Variants in TBC1D32 observed in about 807,000 individuals in gnomAD.
The protein encoded by TBC1D32 is TBC1 domain family member 32.
TBC1D32 carries 151 observed loss-of-function variants against 170.3 expected under a neutral mutation model. The observed-to-expected ratio is 0.89, with a 90% CI of 0.78 to 1.01. TBC1D32 has a LOEUF of 1.01. Among genes scored for constraint, TBC1D32 ranks in the 50% least tolerant of loss-of-function variants. The pLI is 0.00. For missense variants in TBC1D32, 1,464 were observed against 1,457.1 expected (o/e 1.00, Z -0.08); for synonymous variants, 498 against 488.0 (o/e 1.02, Z -0.27).
chr6:121,268,419 G>C (rs886229762), intron 15 of TBC1D32, among the ~76,000 whole-genome samples: 1 of 152,156 alleles, frequency 6.6e-6, no homozygotes, highest in Non-Finnish European at 1.5e-5. Context: ...GATCTTAAAT[G>C]ACCTGATGGA....
chr6:121,115,278 A>T lies in TBC1D32; in HGVS notation c.2984-37T>A, dbSNP rs573436181. The stretch of plus-strand genomic sequence containing the variant: ...AGAAAACTGAGTTATAAAGTGCAGA[A>T]AAGTTTGCATAATAATCACATTTTA... On this transcript the variant is annotated intron_variant, in intron 26 of 31. Transcript: ENST00000398212. 3.5e-5 allele frequency: 49 copies of T among 1,417,812 alleles called. No individual in the cohort carries two copies. In the East Asian group the frequency reaches 1.1e-3, roughly 31 times the overall value. The allele number at this position is 1,417,812 out of a possible 1,614,324, so 87.8% of individuals were successfully genotyped here.
chr6:121,231,375 T>C (rs1315019232), intron 20 of TBC1D32, among the ~76,000 whole-genome samples: 2 of 152,240 alleles, frequency 1.3e-5, no homozygotes, highest in African/African-American at 2.4e-5. Context: ...TGTGCTGCTA[T>C]GAACATGCAT....
chr6:121,112,811 T>C, intron 28 of TBC1D32, 152 bp from the exon 29 acceptor site: 1 of 758,886 alleles, frequency 1.3e-6, no homozygotes, highest in Non-Finnish European at 1.9e-6. Flanking sequence ...TAGACATGTC[T>C]GAAAATACAT....
Position 121,162,945 on chromosome 6 carries a change from T to G in TBC1D32, c.2571-1889A>C, listed in dbSNP as rs1472295936. ...GGGGTCAGGGAGTTCCCTTTCCGAG[T>G]CAAAGAAAGGGGTGACGGACGCACC... On this transcript the variant is annotated intron_variant, in intron 22 of 31. Coordinates refer to ENST00000398212, the MANE Select transcript of TBC1D32 (RefSeq NM_152730.6). 3 of 108,496 alleles carry G rather than the reference T, an allele frequency of 2.8e-5. No homozygotes were observed. In the Admixed American group the frequency reaches 3.1e-4, roughly 11 times the overall value. 6.7% of individuals were successfully genotyped at this position (108,496 alleles called of 1,614,324 possible).
chr6:121,292,236 T>A (rs536477881), intron 11 of TBC1D32, 43 bp from the exon 12 acceptor site: 1 of 1,533,128 alleles, frequency 6.5e-7, no homozygotes, highest in South Asian at 1.2e-5. Context: ...AGTATCATTA[T>A]ATTTTACAGT....
chr6:121,239,277 G>A, intron 19 of TBC1D32, 89 bp from the exon 20 acceptor site: 2 of 696,558 alleles, frequency 2.9e-6, no homozygotes, highest in Non-Finnish European at 4.9e-6. Context: ...TGATGAATCT[G>A]GTCTACTCTG....
chr6:121,304,331 G>C, intron 8 of TBC1D32, 34 bp downstream of exon 8: 2 of 1,606,190 alleles, frequency 1.2e-6, no homozygotes, highest in Non-Finnish European at 1.7e-6. Context: ...ACACCGCTAG[G>C]TTTTATGCTG....
chr6:121,246,444 A>G (rs1797614651), intron 17 of TBC1D32, among the ~76,000 whole-genome samples: 1 of 152,086 alleles, frequency 6.6e-6, no homozygotes, highest in Non-Finnish European at 1.5e-5. Flanking sequence ...ACCCAAATGA[A>G]AAAAGTAATT....
At position 121,092,293 on chromosome 6, in the gene TBC1D32, G is replaced by GTTTTTTTTTTT. The variant is rs1160372863; in HGVS notation, c.3466-1263_3466-1253dup. On this transcript the variant is annotated intron_variant, in intron 30 of 31. Transcript: ENST00000398212. ...AATATCTCTTCTCCTTCAGTTTTATGTTTTTTTTTTTTTTTTTTTTTTTTT... is the reference window on the plus strand; with the variant it reads ...AATATCTCTTCTCCTTCAGTTTTATGTTTTTTTTTTTTTTTTTTTTTTTTTTTTTTTTTTTT... Among the ~76,000 whole-genome samples the GTTTTTTTTTTT allele has an allele frequency of 5.0e-4, 25 of 50,404 alleles. 3 individuals are homozygous for GTTTTTTTTTTT. Among genetic ancestry groups the GTTTTTTTTTTT allele is most frequent in the South Asian group, 2.0e-3 (2 of 988 alleles). The allele number at this position is 50,404 out of a possible 152,430, so 33.1% of individuals were successfully genotyped here.
At chr6:121,206,736 C>A (rs1002282977) in intron 21 of TBC1D32, among the ~76,000 whole-genome samples, 3 of 152,152 alleles carry the variant, frequency 2.0e-5, no homozygotes, top group Admixed American at 2.0e-4. Flanking sequence ...AATAGACTAC[C>A]TAGTAATGAT....
At chr6:121,123,451 C>T (rs113641976) in intron 26 of TBC1D32, among the ~76,000 whole-genome samples, 24 of 151,942 alleles carry the variant, frequency 1.6e-4, no homozygotes, top group Non-Finnish European at 3.1e-4. Flanking sequence ...ACTGTTATAT[C>T]CTCTCACTGA....
intron 22 of TBC1D32, among the ~76,000 whole-genome samples, chr6:121,176,227 T>A (rs1007554694): frequency 2.6e-5 from 4 of 152,102 alleles, no homozygotes; most frequent in Non-Finnish European, 5.9e-5. Flanking sequence ...AAGAGCTCAC[T>A]AAGAAGGTGA....
At chr6:121,280,579 T>C (rs990340263) in intron 14 of TBC1D32, among the ~76,000 whole-genome samples, 3 of 151,830 alleles carry the variant, frequency 2.0e-5, no homozygotes, top group African/African-American at 7.2e-5. Flanking sequence ...ATTTCAAAGA[T>C]AAACTCTAGT....
intron 30 of TBC1D32, among the ~76,000 whole-genome samples, chr6:121,093,850 T>C (rs1473930850): frequency 2.0e-5 from 3 of 152,128 alleles, no homozygotes; most frequent in African/African-American, 7.2e-5. Flanking sequence ...TTTGAAAAAG[T>C]GCTATATAAA....
rs1322389464 is a variant in TBC1D32, at chr6:121,126,399, A to G, written c.2962T>C (p.Phe988Leu). Residue 988 changes from phenylalanine to leucine, a missense_variant, in exon 26 of 32, where the codon TTC becomes CTC. By Grantham distance (22) the Phe-to-Leu change is conservative. This residue lies in a region of TBC1D32 where 1,363 missense variants were observed against 1,338.1 expected (regional missense o/e 1.02). Transcript: ENST00000398212. ...GTACCTGTATACTCCACTGAAGGGA[A>G]GTAGCATTCAGATGGGCTTTCAGTG... Reference protein sequence around the residue: ...HLTESPSECYFPSVEYTATDA... With the variant: ...HLTESPSECYLPSVEYTATDA... 6.2e-7 allele frequency: 1 copy of G among 1,612,574 alleles called. No homozygotes were observed. Among genetic ancestry groups the G allele is most frequent in the African/African-American group, 1.3e-5 (1 of 74,906 alleles).
intron 3 of TBC1D32, among the ~76,000 whole-genome samples, chr6:121,315,524 C>T (rs1808802382): frequency 6.6e-6 from 1 of 152,108 alleles, no homozygotes; most frequent in Non-Finnish European, 1.5e-5. Flanking sequence ...TACAATCAGG[C>T]TGCAATTTTT....
intron 30 of TBC1D32, chr6:121,096,370 G>GTA: frequency 1.3e-5 from 2 of 151,854 alleles, no homozygotes; most frequent in Non-Finnish European, 2.9e-5. Context: ...AAATCAACAT[G>GTA]CAAAAATCAC....
intron 15 of TBC1D32, among the ~76,000 whole-genome samples, chr6:121,260,926 G>C (rs1427018819): frequency 6.6e-6 from 1 of 152,212 alleles, no homozygotes; most frequent in Non-Finnish European, 1.5e-5. Flanking sequence ...TCCAGGCCGT[G>C]CTTTTCCCTG....
chr6:121,089,523 C>T lies in TBC1D32; in HGVS notation c.3654+1330G>A, dbSNP rs146903851. Among the ~76,000 whole-genome samples the T allele has an allele frequency of 2.1e-3, 316 of 152,256 alleles. 1 individual carries two copies. The highest frequency in any genetic ancestry group is 7.3e-3 in the African/African-American group (304 of 41,556). ...CATAATTTCAATTTGCTTAACACTT[C>T]CTGTATTCCAAATCACCTCTTAGAG... On this transcript the variant is annotated intron_variant, in intron 31 of 31. Transcript: ENST00000398212.
Sources: gnomAD v4.1 joint callset for allele counts (sites outside exome capture counted in the v4.1 genomes callset) on GRCh38, gnomAD v4.1.1 for gene constraint, gnomAD v4.1.1 regional missense constraint, MANE v1.5 for transcripts, NCBI Gene and HGNC (gene_info 2026-07-23, HGNC 2026-07-21) for gene names.